The following GRK4 variants were observed in gnomAD, a reference collection of about 807,000 sequenced individuals.
GRK4 encodes the protein G protein-coupled receptor kinase 2-like.
GRK4 carries 73 observed loss-of-function variants against 77.9 expected under a neutral mutation model. That is an observed-to-expected ratio of 0.94 (90% CI 0.78 to 1.14). GRK4 has a LOEUF of 1.14. GRK4 is among the 50% of genes most tolerant of loss of function. GRK4 has a pLI of 0.00. For synonymous variants in GRK4, 257 were observed against 254.4 expected, an observed-to-expected ratio of 1.01 and a Z score of -0.10; for missense variants, 729 against 700.2, an observed-to-expected ratio of 1.04 and a Z score of -0.46.
Position 2,963,969 on chromosome 4 carries a change from G to T in GRK4, c.-102G>T. 9.4e-7 allele frequency: 1 copy of T among 1,059,410 alleles called. No individual in the cohort carries two copies. Among genetic ancestry groups the T allele is most frequent in the Middle Eastern group, 2.0e-4 (1 of 4,944 alleles). 65.6% of individuals were successfully genotyped at this position (1,059,410 alleles called of 1,614,324 possible). A position where few individuals can be genotyped will look rare whatever the true frequency, so the allele number is the denominator to read the frequency against. Reference sequence around the variant, plus strand: ...GTGTCCGGAGCTCGAGGAGAGGGTGGTGCCCGGCGAGCTATGCACGGGGGC... The same window carrying T: ...GTGTCCGGAGCTCGAGGAGAGGGTGTTGCCCGGCGAGCTATGCACGGGGGC... On this transcript the variant is annotated 5_prime_UTR_variant, in exon 1 of 16. Transcript: ENST00000398052.
At chr4:3,000,360 G>A (rs188985263) in intron 4 of GRK4, among the ~76,000 whole-genome samples, 3 of 152,108 alleles carry the variant, frequency 2.0e-5, no homozygotes, top group African/African-American at 7.2e-5. Flanking sequence ...ATCATTAAAC[G>A]GTCTTGATAG....
chr4:3,000,544 T>TTTTTC (rs755931695), intron 4 of GRK4, among the ~76,000 whole-genome samples: 3,630 of 130,436 alleles, frequency 0.028, 83 homozygotes, highest in South Asian at 0.051. Context: ...TTTTCTTTCT[T>TTTTTC]TTTTCTTTTC....
chr4:3,029,022 T>C (rs1738399504), intron 11 of GRK4, among the ~76,000 whole-genome samples, 179 bp from the exon 12 acceptor site: 3 of 152,232 alleles, frequency 2.0e-5, no homozygotes, highest in Admixed American at 2.0e-4. Context: ...TCTGCCTGCC[T>C]TCGCCTCCCA....
intron 12 of GRK4, among the ~76,000 whole-genome samples, chr4:3,032,808 A>T (rs918748146): frequency 5.3e-5 from 8 of 152,326 alleles, no homozygotes; most frequent in Non-Finnish European, 8.8e-5. Flanking sequence ...CTAAGAGGAG[A>T]AACAGTTCGT....
At chr4:2,973,057 G>C (rs1720050467) in intron 1 of GRK4, among the ~76,000 whole-genome samples, 2 of 152,212 alleles carry the variant, frequency 1.3e-5, no homozygotes, top group East Asian at 1.9e-4. Context: ...CTTCAAACAA[G>C]TGTGGGGTCA....
At chr4:3,016,777 G>A (rs1364167107) in intron 8 of GRK4, among the ~76,000 whole-genome samples, 4 of 151,326 alleles carry the variant, frequency 2.6e-5, no homozygotes, top group Admixed American at 2.0e-4. Context: ...TTGGAACATA[G>A]AAATCCACAA....
rs776992479 is a variant in GRK4 at position 3,038,523 on chromosome 4, C to CT, written c.1683+12dup. 5.3e-5 allele frequency: 84 copies of CT among 1,595,580 alleles called. No homozygotes were observed. The highest frequency in any genetic ancestry group is 7.1e-5 in the Non-Finnish European group (83 of 1,172,374). ...ACTCTTCAGAAGAGGGGTAAAAAGA[C>CT]TTAAAAACTAATATATGTGTGTGTA... On this transcript the variant is annotated intron_variant, in intron 15 of 15. Coordinates refer to ENST00000398052, the MANE Select transcript of GRK4 (RefSeq NM_182982.3).
At chr4:2,995,393 G>T (rs1279695958) in intron 4 of GRK4, among the ~76,000 whole-genome samples, 1 of 152,028 alleles carries the variant, frequency 6.6e-6, no homozygotes, top group Non-Finnish European at 1.5e-5. Context: ...CTTGGACCAG[G>T]TGCTGTGGCT....
rs146778088 is a variant in GRK4, at chr4:2,981,829, G to T, written c.53-2684G>T. Among the ~76,000 whole-genome samples the T allele has an allele frequency of 5.1e-3, 772 of 152,340 alleles. 4 individuals are homozygous for T. Among genetic ancestry groups the T allele is most frequent in the Non-Finnish European group, 8.0e-3 (546 of 68,022 alleles). Reference sequence around the variant, plus strand: ...TCTGCCTCCTGCCCTTGTTCATGGTGCCCTGGCTGTTTGTGTGCCCTGGCC... The same window carrying T: ...TCTGCCTCCTGCCCTTGTTCATGGTTCCCTGGCTGTTTGTGTGCCCTGGCC... On this transcript the variant is annotated intron_variant, in intron 1 of 15. Coordinates refer to ENST00000398052, the MANE Select transcript of GRK4 (RefSeq NM_182982.3).
At chr4:2,998,746 G>A (rs1728701026) in intron 4 of GRK4, among the ~76,000 whole-genome samples, 5 of 151,968 alleles carry the variant, frequency 3.3e-5, no homozygotes, top group Admixed American at 3.3e-4. Context: ...TCCTGTTCGT[G>A]GATCAGAAGA....
chr4:3,038,567 A>G, intron 15 of GRK4, 54 bp downstream of exon 15: 3 of 1,308,206 alleles, frequency 2.3e-6, no homozygotes, highest in Admixed American at 4.3e-5. Context: ...AAAAAAAAAC[A>G]TACTGACTGC....
rs565612984 is a variant in GRK4 at position 3,021,704 on chromosome 4, C to T, written c.933-710C>T. 3.9e-5 allele frequency among the ~76,000 whole-genome samples: 6 copies of T among 152,284 alleles called. No homozygotes were observed. In the East Asian group the frequency reaches 1.2e-3, roughly 29 times the overall value. ...TGGTGGTATTGGACCATGGAACACA[C>T]CCATAGGAGATTTGATTCTTTTGTT... On this transcript the variant is annotated intron_variant, in intron 9 of 15. Coordinates refer to ENST00000398052, the MANE Select transcript of GRK4 (RefSeq NM_182982.3).
chr4:3,023,858 G>C (rs1427410199), intron 10 of GRK4, among the ~76,000 whole-genome samples: 1 of 152,192 alleles, frequency 6.6e-6, no homozygotes, highest in Non-Finnish European at 1.5e-5. Flanking sequence ...TGTGTAGTGT[G>C]CTCCCTTTTG....
chr4:2,979,312 G>A (rs1326383085), intron 1 of GRK4, among the ~76,000 whole-genome samples: 2 of 150,442 alleles, frequency 1.3e-5, no homozygotes, highest in African/African-American at 2.5e-5. Flanking sequence ...GCTAAAGTGG[G>A]AGAATCACCT....
At chr4:2,975,908 A>G (rs180795832) in intron 1 of GRK4, among the ~76,000 whole-genome samples, 2 of 152,332 alleles carry the variant, frequency 1.3e-5, no homozygotes, top group African/African-American at 2.4e-5. Context: ...CAGTCCTGCT[A>G]AAGTTCCATG....
In GRK4 at chr4:2,963,835, C is replaced by A. The variant is rs920360106; in HGVS notation, c.-236C>A. The A allele has an allele frequency of 5.0e-5, 28 of 562,000 alleles. No individual in the cohort carries two copies. Among genetic ancestry groups the A allele is most frequent in the Non-Finnish European group, 6.8e-5 (22 of 321,176 alleles). 34.8% of individuals were successfully genotyped at this position (562,000 alleles called of 1,614,324 possible). ...ACAGCTGGGACCCGCCGCGGTCGGG[C>A]TGCCCCCTCCCCTCGCCCCGACCGC... On this transcript the variant is annotated 5_prime_UTR_variant, in exon 1 of 16. In the 5' UTR this introduces an upstream ATG that the reference lacks. Transcript: ENST00000398052.
chr4:3,003,704 C>G (rs1016866386), intron 4 of GRK4, among the ~76,000 whole-genome samples: 2 of 152,034 alleles, frequency 1.3e-5, no homozygotes, highest in Non-Finnish European at 2.9e-5. Flanking sequence ...GTTTGAGACC[C>G]TGCTTTCCAT....
At chr4:3,011,968 A>G (rs1174097058) in intron 7 of GRK4, among the ~76,000 whole-genome samples, 1 of 152,166 alleles carries the variant, frequency 6.6e-6, no homozygotes, top group East Asian at 1.9e-4. Flanking sequence ...GTCCTGTCGT[A>G]TCACTTCCAG....
In GRK4 at chr4:3,007,790, A is replaced by G. The variant is rs769393829; in HGVS notation, c.498A>G (p.Ser166=). The G allele has an allele frequency of 3.4e-5, 54 of 1,611,928 alleles. No individual in the cohort carries two copies. The highest frequency in any genetic ancestry group is 4.2e-6 in the Non-Finnish European group (5 of 1,178,938). Residue 166 remains serine (S), a synonymous_variant, in exon 6 of 16, where the codon TCA becomes TCG. Transcript: ENST00000398052. ...GEPFEEYQES[S]YFSQFLQWKW... Reference sequence around the variant, plus strand: ...CATTTGAAGAATACCAAGAAAGCTCATATTTTTCTCAGTTTTTACAATGGA... The same window carrying G: ...CATTTGAAGAATACCAAGAAAGCTCGTATTTTTCTCAGTTTTTACAATGGA...
Sources: allele counts gnomAD v4.1 joint callset (sites outside exome capture counted in the v4.1 genomes callset), GRCh38; gene constraint gnomAD v4.1.1; transcripts MANE v1.5; gene names NCBI Gene and HGNC (gene_info 2026-07-23, HGNC 2026-07-21).